The following FREM3 variants were observed in gnomAD, a reference collection of about 807,000 sequenced individuals.
FREM3 encodes FRAS1 related extracellular matrix 3.
A neutral mutation model predicts 129.1 loss-of-function variants in FREM3; 105 were observed. That is an observed-to-expected ratio of 0.81 (90% CI 0.69 to 0.96). The LOEUF is 0.96. Among genes scored for constraint, FREM3 ranks in the 40% least tolerant of loss-of-function variants. The pLI is 0.00. For missense variants in FREM3, 2,593 were observed against 2,666.3 expected, an observed-to-expected ratio of 0.97 and a Z score of 0.61; for synonymous variants, 1,014 against 1,044.9, an observed-to-expected ratio of 0.97 and a Z score of 0.57.
chr4:143,673,589 T>C (rs560539463), intron 2 of FREM3, among the ~76,000 whole-genome samples: 1 of 152,286 alleles, frequency 6.6e-6, no homozygotes, highest in South Asian at 2.1e-4. Flanking sequence ...TCAAACTCCA[T>C]GCTAGGAGAA....
chr4:143,700,126 A>C lies in FREM3; in HGVS notation c.550T>G (p.Trp184Gly). ...RPLVVEKLRSWSRAIDRRVLD... is the reference protein window; with the variant it reads ...RPLVVEKLRSGSRAIDRRVLD... ...ACTCTCCTGTCTATGGCGCGGCTCC[A>C]GCTTCGCAGCTTCTCCACTACCAAA... is the stretch of plus-strand genomic sequence containing the variant. The change falls in exon 1 of 8, where the codon TGG (tryptophan) becomes GGG (glycine). Residue 184 changes from tryptophan (W) to glycine (G), a missense_variant. Trp to Gly is a radical substitution (Grantham distance 184). Around this residue, in one of 2 missense-constraint regions of FREM3, gnomAD observed 2,276 missense variants for 2,267.2 expected, o/e 1.00. Transcript: ENST00000329798. The C allele has an allele frequency of 6.5e-7, 1 of 1,537,080 alleles. No individual in the cohort carries two copies. The highest frequency in any genetic ancestry group is 1.4e-5 in the African/African-American group (1 of 73,184).
At chr4:143,682,805 G>A (rs1173516261) in intron 2 of FREM3, among the ~76,000 whole-genome samples, 1 of 152,152 alleles carries the variant, frequency 6.6e-6, no homozygotes, top group African/African-American at 2.4e-5. Flanking sequence ...TTGTGGTAGA[G>A]AACAATGGTT....
At chr4:143,584,947 A>C (rs532028198) in intron 7 of FREM3, among the ~76,000 whole-genome samples, 376 of 152,344 alleles carry the variant, frequency 2.5e-3, no homozygotes, top group Middle Eastern at 6.8e-3. Context: ...ATATAACAAT[A>C]AAAATAGAAA....
chr4:143,636,164 T>G, intron 2 of FREM3, among the ~76,000 whole-genome samples: 1 of 144,810 alleles, frequency 6.9e-6, no homozygotes, highest in East Asian at 2.0e-4. Flanking sequence ...ATTGTTTTTG[T>G]TTTTTTTTTT....
intron 2 of FREM3, among the ~76,000 whole-genome samples, chr4:143,643,304 G>A (rs1329778144): frequency 6.6e-6 from 1 of 152,070 alleles, no homozygotes; most frequent in African/African-American, 2.4e-5. Context: ...ATGCTGAAGA[G>A]GTATCTGCAC....
Position 143,697,200 on chromosome 4 carries a change from A to G in FREM3, c.3476T>C (p.Val1159Ala), listed in dbSNP as rs1276707410. The G allele has an allele frequency of 9.1e-6, 14 of 1,537,696 alleles. No homozygotes were observed. The highest frequency in any genetic ancestry group is 1.4e-5 in the African/African-American group (1 of 73,108). ...INYVQSIHKG[V>A]EPQEDQFTFY... is the part of the protein sequence containing the mutation. ...GGTGAATTGGTCCTCTTGTGGCTCTACTCCCTTGTGAATACTCTGTACATA... is the reference window on the plus strand; with the variant it reads ...GGTGAATTGGTCCTCTTGTGGCTCTGCTCCCTTGTGAATACTCTGTACATA... The change falls in exon 1 of 8, where the codon GTA becomes GCA. Residue 1159 changes from valine (V) to alanine (A), a missense_variant. This residue lies in a region of FREM3 where 2,276 missense variants were observed against 2,267.2 expected (regional missense o/e 1.00). Transcript: ENST00000329798.
chr4:143,646,405 T>C (rs905521779), intron 2 of FREM3, among the ~76,000 whole-genome samples: 1 of 152,168 alleles, frequency 6.6e-6, no homozygotes, highest in Non-Finnish European at 1.5e-5. Context: ...TGATATGATT[T>C]GGTTCTGTGT....
chr4:143,655,066 T>TA (rs1356868191), intron 2 of FREM3, among the ~76,000 whole-genome samples: 1 of 152,060 alleles, frequency 6.6e-6, no homozygotes. Context: ...GACAGAGGCA[T>TA]AGGGGTCAGG....
chr4:143,588,847 T>G lies in FREM3; in HGVS notation c.6029-2854A>C, dbSNP rs536590729. Among the ~76,000 whole-genome samples the G allele has an allele frequency of 5.6e-3, 836 of 150,414 alleles. 5 individuals carry two copies. Among genetic ancestry groups the G allele is most frequent in the Middle Eastern group, 0.01 (3 of 292 alleles). On this transcript the variant is annotated intron_variant, in intron 6 of 7. Coordinates refer to ENST00000329798, the MANE Select transcript of FREM3 (RefSeq NM_001168235.2). ...GACTTCCACAATGGTTGAACTAGTT[T>G]ACAGTCCCACCAACAGGGTAAAAGT...
At chr4:143,657,866 C>T (rs1392273365) in intron 2 of FREM3, among the ~76,000 whole-genome samples, 1 of 152,064 alleles carries the variant, frequency 6.6e-6, no homozygotes, top group African/African-American at 2.4e-5. Context: ...TATTCTCTGC[C>T]ACCATGTTGC....
At chr4:143,609,049 A>C (rs1189552573) in intron 6 of FREM3, among the ~76,000 whole-genome samples, 1 of 152,142 alleles carries the variant, frequency 6.6e-6, no homozygotes, top group Admixed American at 6.6e-5. Context: ...AGAATTATGG[A>C]GGGAAAGGGT....
intron 2 of FREM3, among the ~76,000 whole-genome samples, chr4:143,670,822 T>A (rs1413861713): frequency 1.3e-5 from 2 of 152,090 alleles, no homozygotes; most frequent in African/African-American, 2.4e-5. Flanking sequence ...TTTCTTAGGT[T>A]TTTGCATGAT....
At chr4:143,588,785 T>G (rs1350230188) in intron 6 of FREM3, among the ~76,000 whole-genome samples, 1 of 150,824 alleles carries the variant, frequency 6.6e-6, no homozygotes, top group Non-Finnish European at 1.5e-5. Flanking sequence ...GGTCAAATGG[T>G]ATTTCTAGTT....
intron 2 of FREM3, among the ~76,000 whole-genome samples, chr4:143,639,187 T>A (rs1297564945): frequency 6.6e-6 from 1 of 152,026 alleles, no homozygotes; most frequent in Non-Finnish European, 1.5e-5. Context: ...TAGAAGGAGA[T>A]AGTATTTGGG....
At chr4:143,634,897 AT>A (rs1739207632) in intron 2 of FREM3, among the ~76,000 whole-genome samples, 1 of 152,120 alleles carries the variant, frequency 6.6e-6, no homozygotes, top group South Asian at 2.1e-4. Flanking sequence ...CAGAGAGATC[AT>A]TGCCTAGACC....
At chr4:143,659,255 A>C (rs935894496) in intron 2 of FREM3, among the ~76,000 whole-genome samples, 1 of 151,390 alleles carries the variant, frequency 6.6e-6, no homozygotes, top group Non-Finnish European at 1.5e-5. Flanking sequence ...ACCCCCACCA[A>C]CAACAGTCCC....
chr4:143,638,741 G>C (rs1739274434), intron 2 of FREM3, among the ~76,000 whole-genome samples: 1 of 152,086 alleles, frequency 6.6e-6, no homozygotes, highest in Non-Finnish European at 1.5e-5. Flanking sequence ...TAAACATACT[G>C]TCCAGAACAT....
At position 143,698,845 on chromosome 4, in the gene FREM3, C is replaced by T; in HGVS notation, c.1831G>A (p.Gly611Arg). The T allele has an allele frequency of 8.5e-6, 13 of 1,537,756 alleles. No homozygotes were observed. Among genetic ancestry groups the T allele is most frequent in the Non-Finnish European group, 1.1e-5 (13 of 1,147,010 alleles). The change falls in exon 1 of 8, where the codon GGG becomes AGG. Residue 611 changes from glycine to arginine, a missense_variant. Gly to Arg is a moderately radical substitution (Grantham distance 125). Transcript: ENST00000329798. ...PGSSHSGHYL[G>R]DLLLQQAELP... ...TCAGCCTGCTGCAGCAACAGGTCCC[C>T]CAGGTAGTGGCCTGAGTGGGAGGAA...
At chr4:143,613,082 C>G (rs541100590) in intron 5 of FREM3, among the ~76,000 whole-genome samples, 1 of 152,336 alleles carries the variant, frequency 6.6e-6, no homozygotes, top group South Asian at 2.1e-4. Flanking sequence ...CTCCAACCGA[C>G]TTCAGATGTT....
Sources: gnomAD v4.1 joint callset for allele counts (sites outside exome capture counted in the v4.1 genomes callset) on GRCh38, gnomAD v4.1.1 for gene constraint, gnomAD v4.1.1 regional missense constraint, MANE v1.5 for transcripts, NCBI Gene and HGNC (gene_info 2026-07-23, HGNC 2026-07-21) for gene names.